The following SRGAP3 variants were observed in gnomAD, a reference collection of about 807,000 sequenced individuals.
SRGAP3 encodes SLIT-ROBO Rho GTPase-activating protein 3.
A neutral mutation model predicts 121.1 loss-of-function variants in SRGAP3; 39 were observed. The observed-to-expected ratio is 0.32, with a 90% CI of 0.25 to 0.42. The LOEUF is 0.42. SRGAP3 is among the 10% of genes least tolerant of loss of function. SRGAP3 has a pLI of 1.00. For synonymous variants in SRGAP3, 601 were observed against 570.0 expected (o/e 1.05, Z -0.77); for missense variants, 1,213 against 1,470.6 (o/e 0.82, Z 2.86).
upstream of SRGAP3, among the ~76,000 whole-genome samples, chr3:9,252,964 C>CTGAA (rs1191268941): frequency 1.3e-5 from 2 of 152,306 alleles, no homozygotes; most frequent in East Asian, 3.9e-4. Context: ...GGCTCATCTC[C>CTGAA]TGAATTCTTT....
chr3:9,147,387 C>A (rs1156814364), intron 1 of SRGAP3, among the ~76,000 whole-genome samples: 3 of 152,126 alleles, frequency 2.0e-5, no homozygotes, highest in Non-Finnish European at 2.9e-5. Context: ...GGCAGTTTCA[C>A]ACACCTGATC....
chr3:9,302,220 C>T (rs1955071174), intron 3 of SRGAP3, among the ~76,000 whole-genome samples: 1 of 152,146 alleles, frequency 6.6e-6, no homozygotes. Flanking sequence ...TCCGCGAAGG[C>T]AGTTTGACTC....
intron 1 of SRGAP3, among the ~76,000 whole-genome samples, chr3:9,156,885 C>A (rs1258838987): frequency 6.6e-6 from 1 of 152,122 alleles, no homozygotes; most frequent in Non-Finnish European, 1.5e-5. Flanking sequence ...AGGGCCTAGA[C>A]CTCAAAGGGG....
At chr3:9,018,718 G>GT (rs1639900043) in intron 14 of SRGAP3, among the ~76,000 whole-genome samples, 1 of 152,118 alleles carries the variant, frequency 6.6e-6, no homozygotes, top group African/African-American at 2.4e-5. Context: ...GGCACACTTG[G>GT]TTTTCTTCGT....
At chr3:9,346,749 T>G (rs1955897377) in intron 1 of SRGAP3, among the ~76,000 whole-genome samples, 1 of 109,076 alleles carries the variant, frequency 9.2e-6, no homozygotes, top group African/African-American at 3.3e-5. Flanking sequence ...AAAAGCAATT[T>G]TTTCTTTTTT....
chr3:8,990,385 C>G lies in SRGAP3; in HGVS notation c.2886+127G>C, dbSNP rs550024061. ...CAGCAAGGGACGGGGAGGCCACTCACTCTCCTGTTCTCTGGCTTAGCCATG... is the reference window on the plus strand; with the variant it reads ...CAGCAAGGGACGGGGAGGCCACTCAGTCTCCTGTTCTCTGGCTTAGCCATG... On this transcript the variant is annotated intron_variant, in intron 21 of 21. Coordinates refer to ENST00000383836, the MANE Select transcript of SRGAP3 (RefSeq NM_014850.4). 21 of 1,246,836 alleles carry G rather than the reference C, an allele frequency of 1.7e-5. No homozygotes were observed. In the African/African-American group the frequency reaches 3.0e-4, roughly 18 times the overall value. The allele number at this position is 1,246,836 out of a possible 1,614,324, so 77.2% of individuals were successfully genotyped here.
rs573809413 is a variant in SRGAP3 at position 9,124,645 on chromosome 3, C to G, written c.260+80G>C. On this transcript the variant is annotated intron_variant, in intron 2 of 21. Transcript: ENST00000383836. ...TCTGCCTCCAATGAAGCTGGCTGGC[C>G]TCCTTTCTGCTTTGCCACCAACTGT... is the stretch of plus-strand genomic sequence containing the variant. 47 of 1,587,744 alleles carry G rather than the reference C, an allele frequency of 3.0e-5. No individual in the cohort carries two copies. The East Asian group carries it at 1.0e-3, about 34-fold the overall frequency.
At chr3:9,296,037 C>A (rs1459346890) in intron 3 of SRGAP3, among the ~76,000 whole-genome samples, 1 of 152,178 alleles carries the variant, frequency 6.6e-6, no homozygotes, top group Non-Finnish European at 1.5e-5. Context: ...ATCCATTCAT[C>A]CACTGATGGA....
Position 9,104,793 on chromosome 3 carries a change from G to T in SRGAP3, c.310C>A (p.His104Asn). Residue 104 changes from histidine (H) to asparagine (N), a missense_variant, in exon 3 of 22, where the codon CAT (histidine) becomes AAT (asparagine). His to Asn is a moderately conservative substitution (Grantham distance 68). Coordinates refer to ENST00000383836, the MANE Select transcript of SRGAP3 (RefSeq NM_014850.4). ...SPVNCWYLVL[H>N]QTRRESRDHA... is the part of the protein sequence containing the mutation. ...TCTCGGCTCTCCCGCCGGGTCTGAT[G>T]CAGAACCAGATACCAACAGTTCACA... 2 of 1,614,272 alleles carry T rather than the reference G, an allele frequency of 1.2e-6. No homozygotes were observed.
In SRGAP3 at chr3:9,109,511, C is replaced by T. The variant is rs778344698; in HGVS notation, c.261-4669G>A. On this transcript the variant is annotated intron_variant, in intron 2 of 21. Coordinates refer to ENST00000383836, the MANE Select transcript of SRGAP3 (RefSeq NM_014850.4). The surrounding 1 kb of genome is among the most constrained non-coding windows in gnomAD (Gnocchi z 4.4). ...TGAGCAGCTGCTGTGAAGATTCCTTCCAGCCCTCGTTCACTCCTTGCGTTT... is the reference window on the plus strand; with the variant it reads ...TGAGCAGCTGCTGTGAAGATTCCTTTCAGCCCTCGTTCACTCCTTGCGTTT... Among the ~76,000 whole-genome samples the T allele has an allele frequency of 6.6e-6, 1 of 152,208 alleles. No homozygotes were observed. The highest frequency in any genetic ancestry group is 1.5e-5 in the Non-Finnish European group (1 of 68,042).
chr3:9,222,476 C>A (rs1302545046), intron 1 of SRGAP3, among the ~76,000 whole-genome samples: 1 of 152,202 alleles, frequency 6.6e-6, no homozygotes, highest in Non-Finnish European at 1.5e-5. Flanking sequence ...TCTACTACCA[C>A]CAGCTTTAGG....
intron 6 of SRGAP3, chr3:9,059,351 G>T (rs1946003759): frequency 6.6e-6 from 1 of 152,284 alleles, no homozygotes; most frequent in African/African-American, 2.4e-5. Flanking sequence ...AAAAAAGAAA[G>T]CGAAAAGCAG....
rs377329322 is a variant in SRGAP3, at chr3:9,064,586, G to A, written c.487-5C>T. ...CATGTGGTAGGTTTTCATGACCTGG[G>A]GGTGCACAAGTAGGGGAAATCAGCA... On this transcript the variant is annotated splice_region_variant and splice_polypyrimidine_tract_variant and intron_variant, in intron 4 of 21. Transcript: ENST00000383836. The A allele has an allele frequency of 2.5e-6, 4 of 1,613,720 alleles. No homozygotes were observed. Among genetic ancestry groups the A allele is most frequent in the Non-Finnish European group, 3.4e-6 (4 of 1,179,958 alleles).
chr3:9,074,121 C>T (rs3856898), intron 4 of SRGAP3, among the ~76,000 whole-genome samples: 127,411 of 152,174 alleles, frequency 0.84, 53,894 homozygotes, highest in African/African-American at 0.96. Context: ...AGAGCAGGCC[C>T]GGAGAATGGG....
chr3:9,249,435 G>A lies in SRGAP3; in HGVS notation c.-484C>T. 4.0e-6 allele frequency: 1 copy of A among 250,044 alleles called. No individual in the cohort carries two copies. The highest frequency in any genetic ancestry group is 5.0e-5 in the Admixed American group (1 of 20,124). 15.5% of individuals were successfully genotyped at this position (250,044 alleles called of 1,614,324 possible). On this transcript the variant is annotated 5_prime_UTR_variant, in exon 1 of 22. Transcript: ENST00000383836. Reference sequence around the variant, plus strand: ...ACTCACACACACACATCCACGAGAGGCGCGGCGCCTCTTTGGTCGTGCAGC... The same window carrying A: ...ACTCACACACACACATCCACGAGAGACGCGGCGCCTCTTTGGTCGTGCAGC...
intron 4 of SRGAP3, among the ~76,000 whole-genome samples, chr3:9,073,575 C>T (rs1946823034): frequency 1.3e-5 from 2 of 152,206 alleles, no homozygotes; most frequent in Admixed American, 1.3e-4. Context: ...AGCTGGCCAC[C>T]TGGGCTCTCT....
At chr3:9,184,452 C>G (rs2125127264) in intron 1 of SRGAP3, among the ~76,000 whole-genome samples, 1 of 152,170 alleles carries the variant, frequency 6.6e-6, no homozygotes, top group East Asian at 1.9e-4. Flanking sequence ...AAGTAGACCT[C>G]AAGGTTTTAA....
chr3:9,048,780 T>G (rs74568894), intron 9 of SRGAP3, among the ~76,000 whole-genome samples: 1 of 152,110 alleles, frequency 6.6e-6, no homozygotes, highest in African/African-American at 2.4e-5. Flanking sequence ...GCTATGTTCA[T>G]GCCACTGCAC....
At chr3:9,195,383 C>A (rs1333520392) in intron 1 of SRGAP3, among the ~76,000 whole-genome samples, 1 of 152,192 alleles carries the variant, frequency 6.6e-6, no homozygotes, top group Non-Finnish European at 1.5e-5. Flanking sequence ...CACTGGTTTA[C>A]CCCCACTCCC....
Sources: gnomAD v4.1 joint callset for allele counts (sites outside exome capture counted in the v4.1 genomes callset) on GRCh38, gnomAD v4.1.1 for gene constraint, Gnocchi (gnomAD v3.1) non-coding constraint, MANE v1.5 for transcripts, NCBI Gene and HGNC (gene_info 2026-07-23, HGNC 2026-07-21) for gene names.